The following CEP170 variants were observed in gnomAD, a reference collection of about 807,000 sequenced individuals.
CEP170 encodes the protein centrosomal protein 170.
In CEP170, 21 loss-of-function variants were observed where a neutral mutation model predicts 151.9. That is an observed-to-expected ratio of 0.14 (90% CI 0.10 to 0.20). The LOEUF (loss-of-function observed/expected upper bound fraction) is 0.20. CEP170 is among the 10% of genes least tolerant of loss of function. The pLI is 1.00. For missense variants in CEP170, 964 were observed against 1,892.9 expected, an observed-to-expected ratio of 0.51 and a Z score of 9.11; for synonymous variants, 356 against 648.8, an observed-to-expected ratio of 0.55 and a Z score of 6.86.
At position 243,222,076 on chromosome 1, in the gene CEP170, C is replaced by T. The variant is rs778401845; in HGVS notation, c.106-263G>A. Among the ~76,000 whole-genome samples, 203 of 152,242 alleles carry T rather than the reference C, an allele frequency of 1.3e-3. 1 individual carries two copies. The highest frequency in any genetic ancestry group is 2.7e-3 in the Admixed American group (42 of 15,292). On this transcript the variant is annotated intron_variant, in intron 2 of 19. Coordinates refer to ENST00000366542, the MANE Select transcript of CEP170 (RefSeq NM_014812.3). ...ATTAAGAATTTACATCAGCTGACTT[C>T]GCTGAATGTATTAACTTAATTTTTT...
intron 7 of CEP170, among the ~76,000 whole-genome samples, chr1:243,192,441 A>G (rs1313045600): frequency 1.3e-5 from 2 of 152,184 alleles, no homozygotes; most frequent in African/African-American, 4.8e-5. Flanking sequence ...TCGGTACGCA[A>G]ATGCAAAATA....
At chr1:243,218,801 C>A (rs913740567) in intron 3 of CEP170, among the ~76,000 whole-genome samples, 4 of 152,142 alleles carry the variant, frequency 2.6e-5, no homozygotes, top group Admixed American at 6.5e-5. Context: ...ACAACACATA[C>A]AACACGCTCA....
intron 14 of CEP170, among the ~76,000 whole-genome samples, chr1:243,151,271 C>A (rs1404521040): frequency 6.7e-6 from 1 of 149,698 alleles, no homozygotes; most frequent in Non-Finnish European, 1.5e-5. Context: ...TTCCCTACTC[C>A]CACTAATCTC....
chr1:243,185,971 A>C lies in CEP170; in HGVS notation c.1374T>G (p.Thr458=). ...GACTCCCTGAACTTCTTAATAATGC[A>C]GTTTGTAGGAAGGGTATTGACACCG... The part of the protein sequence containing the change: ...EPSVSIPFLQ[T]ALLRSSGSLG... Residue 458 remains threonine (T), a synonymous_variant, in exon 10 of 20, where the codon ACT becomes ACG. Coordinates refer to ENST00000366542, the MANE Select transcript of CEP170 (RefSeq NM_014812.3). The surrounding 1 kb of genome is among the most constrained non-coding windows in gnomAD (Gnocchi z 4.9). The C allele has an allele frequency of 3.1e-6, 5 of 1,613,658 alleles. No individual in the cohort carries two copies. Among genetic ancestry groups the C allele is most frequent in the Non-Finnish European group, 4.2e-6 (5 of 1,179,692 alleles).
In CEP170 at chr1:243,126,454, CT is replaced by C. The variant is rs2148126520; in HGVS notation, c.4749del (p.Glu1584AsnfsTer23). On this transcript the variant is annotated frameshift_variant, in exon 20 of 20. Transcript: ENST00000366542. LOFTEE classifies it high-confidence loss of function. ...PDGEEEDVTV[Q>X]E ...TTTCAACAATCAAGAGAAAGTCATT[CT>C]TGTACTGTAACATCTTCCTCTTCCC... 6.2e-7 allele frequency: 1 copy of C among 1,606,484 alleles called. No homozygotes were observed. Among genetic ancestry groups the C allele is most frequent in the East Asian group, 2.2e-5 (1 of 44,806 alleles).
chr1:243,146,666 GA>G lies in CEP170; in HGVS notation c.3912-4204del, dbSNP rs914144893. Among the ~76,000 whole-genome samples the G allele has an allele frequency of 4.7e-3, 572 of 122,110 alleles. 4 individuals are homozygous for G. Among genetic ancestry groups the G allele is most frequent in the Middle Eastern group, 0.022 (5 of 224 alleles). The allele number at this position is 122,110 out of a possible 152,430, so 80.1% of individuals were successfully genotyped here. A position where few individuals can be genotyped will look rare whatever the true frequency, so the allele number is the denominator to read the frequency against. ...GTTCAAGGTTTACAAGGCATGGGAAGAAAAAAAAAAAAAAACCCGAGATATT... is the reference window on the plus strand; with the variant it reads ...GTTCAAGGTTTACAAGGCATGGGAAGAAAAAAAAAAAAAACCCGAGATATT... On this transcript the variant is annotated intron_variant, in intron 14 of 19. Transcript: ENST00000366542.
At chr1:243,171,154 C>A (rs2058815117) in intron 11 of CEP170, among the ~76,000 whole-genome samples, 1 of 152,172 alleles carries the variant, frequency 6.6e-6, no homozygotes, top group Admixed American at 6.5e-5. Context: ...AAAACCATTC[C>A]TGGGTTACTC....
At chr1:243,216,724 T>G (rs935460769) in intron 3 of CEP170, among the ~76,000 whole-genome samples, 1 of 152,194 alleles carries the variant, frequency 6.6e-6, no homozygotes, top group African/African-American at 2.4e-5. Flanking sequence ...AGACTCTAGA[T>G]TATATCCTAG....
At chr1:243,215,412 C>G (rs2062177186) in intron 3 of CEP170, among the ~76,000 whole-genome samples, 1 of 152,148 alleles carries the variant, frequency 6.6e-6, no homozygotes, top group Non-Finnish European at 1.5e-5. Context: ...AATTCCTTTT[C>G]TCAGCAAGGA....
At chr1:243,158,192 G>T (rs565348572) in intron 13 of CEP170, among the ~76,000 whole-genome samples, 2 of 151,998 alleles carry the variant, frequency 1.3e-5, no homozygotes, top group South Asian at 2.1e-4. Flanking sequence ...TAAGAAATAC[G>T]GCAGGCAAAA....
intron 1 of CEP170, among the ~76,000 whole-genome samples, chr1:243,228,498 A>C (rs1379318951): frequency 1.3e-5 from 2 of 152,186 alleles, no homozygotes; most frequent in Non-Finnish European, 2.9e-5. Context: ...GTGAATCCAA[A>C]TTTTACTGGA....
chr1:243,190,763 A>G, intron 8 of CEP170, among the ~76,000 whole-genome samples: 1 of 152,320 alleles, frequency 6.6e-6, no homozygotes, highest in East Asian at 1.9e-4. Flanking sequence ...TAGAAGAAAA[A>G]GAAACATGTT....
rs549886353 is a variant in CEP170 at position 243,164,729 on chromosome 1, C to A, written c.3231G>T (p.Lys1077Asn). 6.2e-7 allele frequency: 1 copy of A among 1,613,432 alleles called. No homozygotes were observed. Among genetic ancestry groups the A allele is most frequent in the African/African-American group, 1.3e-5 (1 of 74,998 alleles). Residue 1077 changes from lysine (K) to asparagine (N), a missense_variant, in exon 13 of 20, where the codon AAG (lysine) becomes AAT (asparagine). By Grantham distance (94) the Lys-to-Asn change is moderately conservative. Transcript: ENST00000366542. Reference protein sequence around the residue: ...KLEGSKVTKSKTSPVVSGSSS... With the variant: ...KLEGSKVTKSNTSPVVSGSSS... ...ATGAACCAGATACCACCGGAGAAGT[C>A]TTAGATTTCGTTACTTTACTTCCTT... is the stretch of plus-strand genomic sequence containing the variant.
chr1:243,195,086 G>T (rs1173684922), intron 7 of CEP170, among the ~76,000 whole-genome samples: 1 of 151,856 alleles, frequency 6.6e-6, no homozygotes, highest in Non-Finnish European at 1.5e-5. Flanking sequence ...AATTATAACA[G>T]CTCATTCTGC....
At chr1:243,136,660 C>T (rs1432633108) in intron 16 of CEP170, among the ~76,000 whole-genome samples, 3 of 151,944 alleles carry the variant, frequency 2.0e-5, no homozygotes, top group Admixed American at 6.6e-5. Context: ...TCCTTGTTCT[C>T]CAGCAAAGAG....
At chr1:243,211,164 T>G (rs1433505277) in intron 4 of CEP170, 2 of 150,586 alleles carry the variant, frequency 1.3e-5, no homozygotes, top group African/African-American at 4.9e-5. Flanking sequence ...TTTAATTAAA[T>G]GTACATAAAT....
chr1:243,143,489 A>AT lies in CEP170; in HGVS notation c.3912-1027dup, dbSNP rs570537555. On this transcript the variant is annotated intron_variant, in intron 14 of 19. Transcript: ENST00000366542. Reference sequence around the variant, plus strand: ...GTGATAATCAAAGGTGAAAATAGAGATTTTTCTTTTAGAGTTTTTTTTAAG... The same window carrying AT: ...GTGATAATCAAAGGTGAAAATAGAGATTTTTTCTTTTAGAGTTTTTTTTAAG... Among the ~76,000 whole-genome samples the AT allele has an allele frequency of 2.2e-4, 34 of 152,180 alleles. No homozygotes were observed. The South Asian group carries it at 6.8e-3, about 31-fold the overall frequency.
chr1:243,242,723 C>T (rs541613967), intron 1 of CEP170, among the ~76,000 whole-genome samples: 11 of 151,224 alleles, frequency 7.3e-5, no homozygotes, highest in South Asian at 2.1e-4. Flanking sequence ...TTCTCCAAGA[C>T]GGAGTTTTGC....
At chr1:243,146,956 C>T (rs979647050) in intron 14 of CEP170, among the ~76,000 whole-genome samples, 2 of 151,966 alleles carry the variant, frequency 1.3e-5, no homozygotes, top group Non-Finnish European at 2.9e-5. Flanking sequence ...TGTGAATCCC[C>T]CCTAACCAGT....
Sources: gnomAD v4.1 joint callset for allele counts (sites outside exome capture counted in the v4.1 genomes callset) on GRCh38, gnomAD v4.1.1 for gene constraint, Gnocchi (gnomAD v3.1) non-coding constraint, MANE v1.5 for transcripts, NCBI Gene and HGNC (gene_info 2026-07-23, HGNC 2026-07-21) for gene names.